Variants in PTPRM observed in about 807,000 individuals in gnomAD.
PTPRM encodes receptor-type tyrosine-protein phosphatase mu.
Under a neutral mutation model 186.7 loss-of-function variants are expected in PTPRM, and 47 were observed. That is an observed-to-expected ratio of 0.25 (90% CI 0.20 to 0.32). The LOEUF is 0.32. Ranked by LOEUF, PTPRM falls within the 10% of genes least tolerant of loss-of-function variation. PTPRM has a pLI of 1.00. For synonymous variants in PTPRM, 668 were observed against 674.9 expected (o/e 0.99, Z 0.16); for missense variants, 1,494 against 1,865.0 (o/e 0.80, Z 3.66).
At chr18:7,776,512 C>CT (rs34343910) in intron 2 of PTPRM, among the ~76,000 whole-genome samples, 20,125 of 145,984 alleles carry the variant, frequency 0.14, 3,918 homozygotes, top group African/African-American at 0.44. Flanking sequence ...CTTTTTCTTT[C>CT]TTTTTTTTTT....
intron 7 of PTPRM, among the ~76,000 whole-genome samples, chr18:7,984,425 A>T (rs2082719609): frequency 6.6e-6 from 1 of 151,774 alleles, no homozygotes; most frequent in Non-Finnish European, 1.5e-5. Flanking sequence ...TGATGTAGCT[A>T]CTTCATTGCT....
intron 19 of PTPRM, among the ~76,000 whole-genome samples, chr18:8,282,634 C>T (rs2094916188): frequency 6.6e-6 from 1 of 152,138 alleles, no homozygotes. Context: ...TGCACTCCAG[C>T]CTGGGCGACA....
intron 4 of PTPRM, among the ~76,000 whole-genome samples, chr18:7,921,451 G>A (rs1459262832): frequency 1.3e-5 from 2 of 151,020 alleles, no homozygotes; most frequent in Non-Finnish European, 2.9e-5. Flanking sequence ...CGCAACCTTG[G>A]CTCACTGCAA....
chr18:7,769,678 T>C (rs1378625989), intron 1 of PTPRM, among the ~76,000 whole-genome samples: 1 of 152,206 alleles, frequency 6.6e-6, no homozygotes, highest in Non-Finnish European at 1.5e-5. Context: ...TTTATCGATT[T>C]AATTTTTATG....
At chr18:7,943,452 C>T (rs556328260) in intron 5 of PTPRM, among the ~76,000 whole-genome samples, 3 of 152,264 alleles carry the variant, frequency 2.0e-5, no homozygotes, top group Non-Finnish European at 4.4e-5. Flanking sequence ...GCACCTCTGA[C>T]AAATCAAGAT....
intron 14 of PTPRM, among the ~76,000 whole-genome samples, chr18:8,162,430 T>C (rs567638647): frequency 6.6e-6 from 1 of 152,328 alleles, no homozygotes; most frequent in South Asian, 2.1e-4. Context: ...TCTGTTTACA[T>C]GAATGGTCTT....
intron 7 of PTPRM, among the ~76,000 whole-genome samples, chr18:7,993,793 C>T (rs544293260): frequency 6.6e-6 from 1 of 152,082 alleles, no homozygotes; most frequent in East Asian, 1.9e-4. Flanking sequence ...AAATATATAA[C>T]TTATTGAAAG....
At chr18:8,136,427 C>CA (rs1373555596) in intron 13 of PTPRM, among the ~76,000 whole-genome samples, 2 of 151,912 alleles carry the variant, frequency 1.3e-5, no homozygotes, top group East Asian at 3.9e-4. Context: ...GCGTCAGCCA[C>CA]ATCAATAAAT....
At chr18:7,934,450 T>G (rs1048205971) in intron 5 of PTPRM, among the ~76,000 whole-genome samples, 1 of 152,210 alleles carries the variant, frequency 6.6e-6, no homozygotes, top group Non-Finnish European at 1.5e-5. Flanking sequence ...TTTTAAAACT[T>G]TTTCTGAGAG....
chr18:8,043,743 G>T (rs1000352756), intron 7 of PTPRM, among the ~76,000 whole-genome samples: 1 of 152,148 alleles, frequency 6.6e-6, no homozygotes, highest in African/African-American at 2.4e-5. Flanking sequence ...GTGGGGAAAA[G>T]AGTCCAGCAT....
rs192729031 is a variant in PTPRM at position 7,634,178 on chromosome 18, T to C, written c.73+66287T>C. Among the ~76,000 whole-genome samples the C allele has an allele frequency of 2.6e-5, 4 of 152,326 alleles. No individual in the cohort carries two copies. In the East Asian group the frequency reaches 7.7e-4, roughly 29 times the overall value. On this transcript the variant is annotated intron_variant, in intron 1 of 32. Coordinates refer to ENST00000580170, the MANE Select transcript of PTPRM (RefSeq NM_001105244.2). The stretch of plus-strand genomic sequence containing the variant: ...CTTTCTGTTTTTTCTTGTTGCTGTT[T>C]TTGTTTTAGTTGGCTGTATCCTCCG...
rs73383894 is a variant in PTPRM, at chr18:8,013,077, C to T, written c.1133-56609C>T. 9.5e-3 allele frequency among the ~76,000 whole-genome samples: 1,438 copies of T among 152,112 alleles called. 26 individuals carry two copies. The highest frequency in any genetic ancestry group is 0.033 in the African/African-American group (1,380 of 41,480). ...GGAGGACTTCAGTTAAGTAAGTCCC[C>T]TATCTTGGTATAAACACTATTCTTA... On this transcript the variant is annotated intron_variant, in intron 7 of 32. Transcript: ENST00000580170.
At chr18:7,767,298 T>A (rs1239328285) in intron 1 of PTPRM, among the ~76,000 whole-genome samples, 1 of 152,250 alleles carries the variant, frequency 6.6e-6, no homozygotes, top group African/African-American at 2.4e-5. Context: ...TAAATATTTG[T>A]ATATCTCAGT....
At chr18:7,641,168 C>A (rs960965216) in intron 1 of PTPRM, among the ~76,000 whole-genome samples, 31 of 152,122 alleles carry the variant, frequency 2.0e-4, no homozygotes, top group African/African-American at 7.0e-4. Context: ...TGAAAGGTCC[C>A]CACACATTCC....
In PTPRM at chr18:8,376,548, A is replaced by G. The variant is rs770149061; in HGVS notation, c.3413A>G (p.Asn1138Ser). ...AGGGAAGGGGTCGTAGACATCTACA[A>G]CTGCGTCAGGGAGCTGCGGTCACGG... The part of the protein sequence containing the change: ...AEREGVVDIY[N>S]CVRELRSRRV... Residue 1138 changes from asparagine to serine, a missense_variant, in exon 26 of 33, where the codon AAC (asparagine) becomes AGC (serine). Asn to Ser is a conservative substitution (Grantham distance 46). Coordinates refer to ENST00000580170, the MANE Select transcript of PTPRM (RefSeq NM_001105244.2). 1.9e-6 allele frequency: 3 copies of G among 1,613,858 alleles called. No homozygotes were observed. Among genetic ancestry groups the G allele is most frequent in the Admixed American group, 3.3e-5 (2 of 59,998 alleles).
intron 2 of PTPRM, among the ~76,000 whole-genome samples, chr18:7,869,354 G>A (rs963353416): frequency 6.6e-6 from 1 of 152,230 alleles, no homozygotes; most frequent in Admixed American, 6.5e-5. Flanking sequence ...CTCCTAGTCT[G>A]TGGGTTGCAA....
chr18:7,881,564 C>G (rs536379069), intron 2 of PTPRM, among the ~76,000 whole-genome samples: 3 of 152,206 alleles, frequency 2.0e-5, no homozygotes, highest in African/African-American at 7.2e-5. Context: ...CCCCTTGGCC[C>G]TATCCGATGC....
At chr18:8,392,138 C>A (rs1050234076) in intron 31 of PTPRM, among the ~76,000 whole-genome samples, 1 of 152,144 alleles carries the variant, frequency 6.6e-6, no homozygotes. Context: ...CAAATCCAAT[C>A]TGTGGACTTT....
intron 1 of PTPRM, among the ~76,000 whole-genome samples, chr18:7,659,840 A>G (rs1436165616): frequency 1.3e-5 from 2 of 152,164 alleles, no homozygotes; most frequent in African/African-American, 4.8e-5. Context: ...TGCTTAATCT[A>G]GTGCAGAAGC....
Sources: gnomAD v4.1 joint callset for allele counts (sites outside exome capture counted in the v4.1 genomes callset) on GRCh38, gnomAD v4.1.1 for gene constraint, MANE v1.5 for transcripts, NCBI Gene and HGNC (gene_info 2026-07-23, HGNC 2026-07-21) for gene names.